The following LY6G6F variants were observed in gnomAD, a reference collection of about 807,000 sequenced individuals.
LY6G6F encodes the protein lymphocyte antigen 6 complex locus protein G6f.
In LY6G6F, 26 loss-of-function variants were observed where a neutral mutation model predicts 33.0. The observed-to-expected ratio is 0.79, with a 90% CI of 0.58 to 1.09. The LOEUF is 1.09. LY6G6F is among the 50% of genes least tolerant of loss of function. The pLI, the probability that LY6G6F is intolerant of heterozygous loss-of-function variation, is 0.00. For synonymous variants in LY6G6F, 132 were observed against 148.1 expected (o/e 0.89, Z 0.79); for missense variants, 317 against 372.0 (o/e 0.85, Z 1.22).
In LY6G6F at chr6:31,707,485, T is replaced by C; in HGVS notation, c.80T>C (p.Leu27Ser). Residue 27 changes from leucine (L) to serine (S), a missense_variant, in exon 2 of 6, where the codon TTG (leucine) becomes TCG (serine). Leu to Ser is a moderately radical substitution (Grantham distance 145, BLOSUM62 -2). Coordinates refer to ENST00000375832, the MANE Select transcript of LY6G6F (RefSeq NM_001003693.3). This position sits in a 1 kb window ranked among gnomAD's most constrained non-coding sequence, Gnocchi z 4.1. Reference sequence around the variant, plus strand: ...AACATGCAGGCCATCTATGTGGCCTTGGGGGAGGCAGTAGAGCTGCCATGT... The same window carrying C: ...AACATGCAGGCCATCTATGTGGCCTCGGGGGAGGCAGTAGAGCTGCCATGT... ...ADNMQAIYVA[L>S]GEAVELPCPS... is the part of the protein sequence containing the mutation. The C allele has an allele frequency of 1.2e-6, 2 of 1,614,072 alleles. No individual in the cohort carries two copies. The highest frequency in any genetic ancestry group is 1.7e-6 in the Non-Finnish European group (2 of 1,179,974).
chr6:31,709,163 C>A (rs1409055512), intron 3 of LY6G6F, among the ~76,000 whole-genome samples: 1 of 140,204 alleles, frequency 7.1e-6, no homozygotes, highest in Non-Finnish European at 1.5e-5. Flanking sequence ...ACCTCTGCCT[C>A]TTGGGTTCAA....
chr6:31,708,570 G>C (rs1805789228), intron 3 of LY6G6F, among the ~76,000 whole-genome samples: 1 of 152,148 alleles, frequency 6.6e-6, no homozygotes. Flanking sequence ...CTCTGTAGTT[G>C]GTTGCCCATG....
intron 3 of LY6G6F, among the ~76,000 whole-genome samples, chr6:31,709,553 C>T (rs1346236762): frequency 2.0e-5 from 3 of 151,412 alleles, no homozygotes; most frequent in Non-Finnish European, 4.4e-5. Flanking sequence ...CCACAGCGCC[C>T]GGCCTCTTTT....
At position 31,710,254 on chromosome 6, in the gene LY6G6F, C is replaced by T. The variant is rs1252551192; in HGVS notation, c.802+73C>T. On this transcript the variant is annotated intron_variant, in intron 4 of 5. Coordinates refer to ENST00000375832, the MANE Select transcript of LY6G6F (RefSeq NM_001003693.3). The surrounding 1 kb of genome is among the most constrained non-coding windows in gnomAD (Gnocchi z 4.7). ...GCAAAGGGCTAGGCTCACACCCCGCCTCTGTACCCCACCTCCTCTAGGGGA... is the reference window on the plus strand; with the variant it reads ...GCAAAGGGCTAGGCTCACACCCCGCTTCTGTACCCCACCTCCTCTAGGGGA... The T allele has an allele frequency of 1.7e-5, 28 of 1,611,832 alleles. No homozygotes were observed. The highest frequency in any genetic ancestry group is 2.4e-5 in the Non-Finnish European group (28 of 1,179,240).
Position 31,708,078 on chromosome 6 carries a change from C to G in LY6G6F, c.590C>G (p.Pro197Arg). 10 of 1,606,386 alleles carry G rather than the reference C, an allele frequency of 6.2e-6. No individual in the cohort carries two copies. The highest frequency in any genetic ancestry group is 8.5e-6 in the Non-Finnish European group (10 of 1,176,492). ...CTTTCTGAGCCCAGGAGCCGAAGAC[C>G]AAGAATCATCCGCTGCCTCATGACT... ...EGLSEPRSRR[P>R]RIIRCLMTHN... is the part of the protein sequence containing the mutation. The change falls in exon 3 of 6, where the codon CCA (proline) becomes CGA (arginine). Residue 197 changes from proline to arginine, a missense_variant. Transcript: ENST00000375832.
chr6:31,707,929 T>G lies in LY6G6F; in HGVS notation c.441T>G (p.Ser147=), dbSNP rs1474986504. The G allele has an allele frequency of 2.5e-6, 4 of 1,613,244 alleles. No individual in the cohort carries two copies. Among genetic ancestry groups the G allele is most frequent in the Non-Finnish European group, 3.4e-6 (4 of 1,180,040 alleles). ...CCCCCTGCAATGTCCTCCTGTGCTC[T>G]GTGGTCCCCAGCAGACGCATGGACT... The part of the protein sequence containing the change: ...DGSPCNVLLC[S]VVPSRRMDSV... Residue 147 remains serine, a synonymous_variant, in exon 3 of 6, where the codon TCT becomes TCG. Coordinates refer to ENST00000375832, the MANE Select transcript of LY6G6F (RefSeq NM_001003693.3). The surrounding 1 kb of genome is among the most constrained non-coding windows in gnomAD (Gnocchi z 4.1).
chr6:31,709,821 G>T (rs1051486140), intron 3 of LY6G6F, among the ~76,000 whole-genome samples: 1 of 152,226 alleles, frequency 6.6e-6, no homozygotes, highest in Non-Finnish European at 1.5e-5. Context: ...ATGAGCCACT[G>T]TGCCTGGCCG....
rs747719844 is a variant in LY6G6F, at chr6:31,707,829, A to G, written c.382+42A>G. The G allele has an allele frequency of 1.2e-6, 2 of 1,607,970 alleles. No homozygotes were observed. The highest frequency in any genetic ancestry group is 1.7e-6 in the Non-Finnish European group (2 of 1,175,652). On this transcript the variant is annotated intron_variant, in intron 2 of 5. Transcript: ENST00000375832. The surrounding 1 kb of genome is among the most constrained non-coding windows in gnomAD (Gnocchi z 4.1). ...AGACCAGGGGCTACTGTGGCCCAGG[A>G]AGTCCAGGTGAAGAACTGAGGAATC...
At position 31,706,946 on chromosome 6, in the gene LY6G6F, C is replaced by T; in HGVS notation, c.40C>T (p.Pro14Ser). 6.2e-7 allele frequency: 1 copy of T among 1,614,030 alleles called. No individual in the cohort carries two copies. Among genetic ancestry groups the T allele is most frequent in the Non-Finnish European group, 8.5e-7 (1 of 1,179,970 alleles). Reference sequence around the variant, plus strand: ...CCTCCTCCTGTTCCTATGTGGAACTCCCCAGGCTGCAGGTAAGGGGCAAGA... The same window carrying T: ...CCTCCTCCTGTTCCTATGTGGAACTTCCCAGGCTGCAGGTAAGGGGCAAGA... ...LFLLLFLCGT[P>S]QAADNMQAIY... The change falls in exon 1 of 6, where the codon CCC becomes TCC. Residue 14 changes from proline to serine, a missense_variant. Pro to Ser is a moderately conservative substitution (Grantham distance 74). Transcript: ENST00000375832.
chr6:31,710,047 C>A lies in LY6G6F; in HGVS notation c.668C>A (p.Ala223Asp). The A allele has an allele frequency of 6.2e-7, 1 of 1,612,774 alleles. No individual in the cohort carries two copies. The highest frequency in any genetic ancestry group is 8.5e-7 in the Non-Finnish European group (1 of 1,179,834). Residue 223 changes from alanine (A) to aspartate (D), a missense_variant, in exon 4 of 6, where the codon GCC becomes GAC. Ala to Asp is a moderately radical substitution (Grantham distance 126). Coordinates refer to ENST00000375832, the MANE Select transcript of LY6G6F (RefSeq NM_001003693.3). The surrounding 1 kb of genome is among the most constrained non-coding windows in gnomAD (Gnocchi z 4.7). ...SLAASIDASP[A>D]LCAPSTGWDM... ...ACAGCCTCCATCGATGCTTCTCCTG[C>A]CCTCTGTGCCCCTTCCACGGGCTGG...
Position 31,707,744 on chromosome 6 carries a change from C to T in LY6G6F, c.339C>T (p.His113=). Residue 113 remains histidine (H), a synonymous_variant, in exon 2 of 6, where the codon CAC becomes CAT. Coordinates refer to ENST00000375832, the MANE Select transcript of LY6G6F (RefSeq NM_001003693.3). This position sits in a 1 kb window ranked among gnomAD's most constrained non-coding sequence, Gnocchi z 4.1. ...GGTGCGCTGTGCTAGGTCAGCACCACAACTACCAGAACTGGAGGGTGTACG... is the reference window on the plus strand; with the variant it reads ...GGTGCGCTGTGCTAGGTCAGCACCATAACTACCAGAACTGGAGGGTGTACG... ...RYWCAVLGQH[H]NYQNWRVYDV... is the part of the protein sequence containing the mutation. The T allele has an allele frequency of 6.2e-7, 1 of 1,614,162 alleles. No individual in the cohort carries two copies. Among genetic ancestry groups the T allele is most frequent in the South Asian group, 1.1e-5 (1 of 91,080 alleles).
intron 3 of LY6G6F, 100 bp downstream of exon 3, chr6:31,708,234 T>C: frequency 7.0e-7 from 1 of 1,425,546 alleles, no homozygotes; most frequent in Non-Finnish European, 9.4e-7. Flanking sequence ...TAATTTTTTG[T>C]ACTTTTAGTA....
rs1805674904 is a variant in LY6G6F at position 31,707,161 on chromosome 6, A to T, written c.52+203A>T. On this transcript the variant is annotated intron_variant, in intron 1 of 5. Coordinates refer to ENST00000375832, the MANE Select transcript of LY6G6F (RefSeq NM_001003693.3). This position sits in a 1 kb window ranked among gnomAD's most constrained non-coding sequence, Gnocchi z 4.1. ...GCAGTTTCCTTTATAAAATAAGAAG[A>T]ATGAGTAAATGCTTCCAGAAAAGTA... is the stretch of plus-strand genomic sequence containing the variant. Among the ~76,000 whole-genome samples the T allele has an allele frequency of 6.6e-6, 1 of 152,190 alleles. No individual in the cohort carries two copies. The highest frequency in any genetic ancestry group is 1.9e-4 in the East Asian group (1 of 5,206).
chr6:31,708,702 G>A (rs1386089608), intron 3 of LY6G6F, among the ~76,000 whole-genome samples: 6 of 152,164 alleles, frequency 3.9e-5, no homozygotes, highest in Middle Eastern at 3.4e-3. Context: ...CGAAGCAGGC[G>A]GATCACTTGA....
intron 3 of LY6G6F, 44 bp downstream of exon 3, chr6:31,708,178 G>GATACGGCGA: frequency 6.6e-7 from 1 of 1,504,826 alleles, no homozygotes. Context: ...TTTCACTTCA[G>GATACGGCGA]CCTCCCAAGT....
rs1805657390 is a variant in LY6G6F, at chr6:31,706,933, C to T, written c.27C>T (p.Phe9=). The stretch of plus-strand genomic sequence containing the variant: ...TGGCAGTCTTATTCCTCCTCCTGTT[C>T]CTATGTGGAACTCCCCAGGCTGCAG... MAVLFLLL[F]LCGTPQAADN... is the part of the protein sequence containing the mutation. The change falls in exon 1 of 6, where the codon TTC becomes TTT. Residue 9 remains phenylalanine, a synonymous_variant. Transcript: ENST00000375832. 2 of 1,614,022 alleles carry T rather than the reference C, an allele frequency of 1.2e-6. No individual in the cohort carries two copies. The highest frequency in any genetic ancestry group is 1.7e-6 in the Non-Finnish European group (2 of 1,180,026).
chr6:31,707,982 C>T lies in LY6G6F; in HGVS notation c.494C>T (p.Pro165Leu). The change falls in exon 3 of 6, where the codon CCC becomes CTC. Residue 165 changes from proline to leucine, a missense_variant. Physicochemically the swap from Pro to Leu is moderately conservative, Grantham distance 98. Coordinates refer to ENST00000375832, the MANE Select transcript of LY6G6F (RefSeq NM_001003693.3). The surrounding 1 kb of genome is among the most constrained non-coding windows in gnomAD (Gnocchi z 4.1). ...DSVTWQEGKG[P>L]VRGRVQSFWG... Reference sequence around the variant, plus strand: ...GTGACCTGGCAGGAAGGGAAGGGTCCCGTGAGGGGCCGTGTTCAGTCCTTC... The same window carrying T: ...GTGACCTGGCAGGAAGGGAAGGGTCTCGTGAGGGGCCGTGTTCAGTCCTTC... 1 of 1,613,106 alleles carries T rather than the reference C, an allele frequency of 6.2e-7. No homozygotes were observed. Among genetic ancestry groups the T allele is most frequent in the Non-Finnish European group, 8.5e-7 (1 of 1,180,036 alleles).
rs553181947 is a variant in LY6G6F at position 31,707,991 on chromosome 6, G to C, written c.503G>C (p.Gly168Ala). ...TWQEGKGPVR[G>A]RVQSFWGSEA... ...CAGGAAGGGAAGGGTCCCGTGAGGG[G>C]CCGTGTTCAGTCCTTCTGGGGCAGT... Residue 168 changes from glycine (G) to alanine (A), a missense_variant, in exon 3 of 6, where the codon GGC (glycine) becomes GCC (alanine). Transcript: ENST00000375832. This position sits in a 1 kb window ranked among gnomAD's most constrained non-coding sequence, Gnocchi z 4.1. 85 of 1,613,112 alleles carry C rather than the reference G, an allele frequency of 5.3e-5. No homozygotes were observed. In the South Asian group the frequency reaches 8.9e-4, roughly 17 times the overall value.
rs145822369 is a variant in LY6G6F at position 31,710,142 on chromosome 6, G to A, written c.763G>A (p.Val255Met). ...AGTTGTCATCCTGGCCCTCAGCATCGTGCTCTGGAGGCAGAGGGTCCGTGG... is the reference window on the plus strand; with the variant it reads ...AGTTGTCATCCTGGCCCTCAGCATCATGCTCTGGAGGCAGAGGGTCCGTGG... ...QGVVILALSI[V>M]LWRQRVRGAP... The change falls in exon 4 of 6, where the codon GTG becomes ATG. Residue 255 changes from valine to methionine, a missense_variant. Transcript: ENST00000375832. The surrounding 1 kb of genome is among the most constrained non-coding windows in gnomAD (Gnocchi z 4.7). 1.4e-4 allele frequency: 228 copies of A among 1,612,966 alleles called. No homozygotes were observed. The East Asian group carries it at 2.9e-3, about 21-fold the overall frequency.
Sources: allele counts gnomAD v4.1 joint callset (sites outside exome capture counted in the v4.1 genomes callset), GRCh38; gene constraint gnomAD v4.1.1; non-coding constraint Gnocchi (gnomAD v3.1); transcripts MANE v1.5; gene names NCBI Gene and HGNC (gene_info 2026-07-23, HGNC 2026-07-21).